The following SLC14A2 variants were observed in gnomAD, a reference collection of about 807,000 sequenced individuals.
SLC14A2 encodes the protein solute carrier family 14 member 2, also known as urea transporter 2.
Under a neutral mutation model 104.6 loss-of-function variants are expected in SLC14A2, and 91 were observed. The observed-to-expected ratio is 0.87, with a 90% CI of 0.73 to 1.04. The LOEUF is 1.04. Among genes scored for constraint, SLC14A2 ranks in the 50% least tolerant of loss-of-function variants. SLC14A2 has a pLI of 0.00. For missense variants in SLC14A2, 1,189 were observed against 1,156.0 expected, an observed-to-expected ratio of 1.03 and a Z score of -0.41; for synonymous variants, 476 against 466.4, an observed-to-expected ratio of 1.02 and a Z score of -0.27.
At chr18:45,562,389 A>G (rs1275839769) in intron 2 of SLC14A2, among the ~76,000 whole-genome samples, 2 of 152,206 alleles carry the variant, frequency 1.3e-5, no homozygotes, top group Non-Finnish European at 2.9e-5. Context: ...GCTTTCCTAA[A>G]GGAACTTGAT....
chr18:45,602,377 T>C (rs16978425), intron 2 of SLC14A2, among the ~76,000 whole-genome samples: 12,051 of 152,154 alleles, frequency 0.079, 586 homozygotes, highest in East Asian at 0.19. Flanking sequence ...GATACCCTAA[T>C]GAAGGTGGAA....
At chr18:45,390,448 T>C (rs758721750) in intron 1 of SLC14A2, among the ~76,000 whole-genome samples, 4 of 152,196 alleles carry the variant, frequency 2.6e-5, no homozygotes, top group Non-Finnish European at 4.4e-5. Context: ...ACCAGTGTTG[T>C]CTGCCCCACG....
At position 45,414,753 on chromosome 18, in the gene SLC14A2, AAAAAATATATATATATATATAT is replaced by A. The variant is rs1211086949; in HGVS notation, c.-124-68478_-124-68457del. On this transcript the variant is annotated intron_variant, in intron 1 of 20. Transcript: ENST00000586448. Reference sequence around the variant, plus strand: ...TGCAAGGCACCGAGCGTAAAAAAAAAAAAAATATATATATATATATATATATATATATATATATATATAGAAA... The same window carrying A: ...TGCAAGGCACCGAGCGTAAAAAAAAAATATATATATATATATATATAGAAA... 1.5e-3 allele frequency among the ~76,000 whole-genome samples: 98 copies of A among 64,010 alleles called. 9 individuals carry two copies. The highest frequency in any genetic ancestry group is 6.5e-4 in the Non-Finnish European group (23 of 35,466). 42.0% of individuals were successfully genotyped at this position (64,010 alleles called of 152,430 possible).
chr18:45,384,605 A>T (rs1390589346), intron 1 of SLC14A2, among the ~76,000 whole-genome samples: 2 of 152,132 alleles, frequency 1.3e-5, no homozygotes, highest in Admixed American at 6.5e-5. Context: ...CCTCTGCTGG[A>T]TGGTATGTAG....
intron 1 of SLC14A2, among the ~76,000 whole-genome samples, chr18:45,379,483 C>T (rs1324449601): frequency 6.6e-6 from 1 of 152,172 alleles, no homozygotes; most frequent in Non-Finnish European, 1.5e-5. Context: ...AACCATTCCT[C>T]CTTCGACCTG....
chr18:45,202,080 G>A, the SLC14A2 span, among the ~76,000 whole-genome samples: 5 of 152,078 alleles, frequency 3.3e-5, no homozygotes, highest in Admixed American at 1.3e-4. Context: ...CAGAACTAAG[G>A]GCAATACTTC....
rs1023013036 is a variant in SLC14A2 at position 45,615,848 on chromosome 18, A to T, written c.-35+266A>T. Among the ~76,000 whole-genome samples, 12 of 151,022 alleles carry T rather than the reference A, an allele frequency of 7.9e-5. No individual in the cohort carries two copies. In the East Asian group the frequency reaches 9.7e-4, roughly 12 times the overall value. On this transcript the variant is annotated intron_variant, in intron 1 of 19. Coordinates refer to ENST00000255226, the MANE Select transcript of SLC14A2 (RefSeq NM_007163.4). ...GTGTGTGTGTGTGTGAGAGAGAGAG[A>T]GAGAGAGAGAGGGAGAGAGAGAGAC...
the SLC14A2 span, among the ~76,000 whole-genome samples, chr18:45,178,897 G>T: frequency 6.6e-6 from 1 of 152,264 alleles, no homozygotes; most frequent in South Asian, 2.1e-4. Context: ...GAAAACATCT[G>T]ATCATGTAGA....
At chr18:45,275,879 G>A (rs1364345537) in intron 1 of SLC14A2, among the ~76,000 whole-genome samples, 2 of 152,214 alleles carry the variant, frequency 1.3e-5, no homozygotes, top group East Asian at 1.9e-4. Flanking sequence ...TGCAAAATAT[G>A]CAGGTCATTG....
intron 1 of SLC14A2, among the ~76,000 whole-genome samples, chr18:45,284,733 AGG>A (rs2084796697): frequency 6.6e-6 from 1 of 152,186 alleles, no homozygotes; most frequent in Non-Finnish European, 1.5e-5. Context: ...AAGAACAGAA[AGG>A]GCTGGAGGAG....
At chr18:45,515,764 T>C (rs920579243) in intron 2 of SLC14A2, among the ~76,000 whole-genome samples, 1 of 152,222 alleles carries the variant, frequency 6.6e-6, no homozygotes, top group Non-Finnish European at 1.5e-5. Flanking sequence ...AAGGAACGAA[T>C]TGGTGCAATC....
intron 15 of SLC14A2, 43 bp from the exon 16 acceptor site, chr18:45,669,263 C>G: frequency 6.5e-7 from 1 of 1,536,160 alleles, no homozygotes; most frequent in Non-Finnish European, 8.9e-7. Flanking sequence ...GTGTTATGAC[C>G]AGGCGGCTTC....
At chr18:45,459,345 C>A (rs890032825) in intron 1 of SLC14A2, among the ~76,000 whole-genome samples, 1 of 152,190 alleles carries the variant, frequency 6.6e-6, no homozygotes, top group Admixed American at 6.5e-5. Flanking sequence ...GACCTTGTCT[C>A]CATGTGCTGT....
intron 1 of SLC14A2, among the ~76,000 whole-genome samples, chr18:45,461,544 A>G (rs910606660): frequency 2.0e-5 from 3 of 152,210 alleles, no homozygotes; most frequent in Admixed American, 1.3e-4. Context: ...AAAGGCTCCC[A>G]TAGATATTTG....
At chr18:45,369,072 A>AGT (rs2085695783) in intron 1 of SLC14A2, among the ~76,000 whole-genome samples, 1 of 152,192 alleles carries the variant, frequency 6.6e-6, no homozygotes, top group Non-Finnish European at 1.5e-5. Context: ...ATGAAGTGAA[A>AGT]GTGATTATTC....
At chr18:45,189,277 A>G in the SLC14A2 span, among the ~76,000 whole-genome samples, 3 of 152,158 alleles carry the variant, frequency 2.0e-5, no homozygotes, top group African/African-American at 7.2e-5. Flanking sequence ...CAACCCTGAG[A>G]GCAAAATTTT....
At chr18:45,569,826 A>G (rs2044321185) in intron 2 of SLC14A2, among the ~76,000 whole-genome samples, 1 of 152,146 alleles carries the variant, frequency 6.6e-6, no homozygotes. Flanking sequence ...CTTTCCAGCC[A>G]TCGACCAACC....
intron 1 of SLC14A2, among the ~76,000 whole-genome samples, chr18:45,277,977 C>G (rs8093105): frequency 0.053 from 8,041 of 152,238 alleles, 661 homozygotes; most frequent in African/African-American, 0.17. Context: ...CCATGCCAGA[C>G]TGACTCCTTA....
At chr18:45,523,747 C>A (rs2043551637) in intron 2 of SLC14A2, among the ~76,000 whole-genome samples, 1 of 152,150 alleles carries the variant, frequency 6.6e-6, no homozygotes. Context: ...TGCTCTGACA[C>A]AGCAACTGCC....
Sources: allele counts gnomAD v4.1 joint callset (sites outside exome capture counted in the v4.1 genomes callset), GRCh38; gene constraint gnomAD v4.1.1; transcripts MANE v1.5; gene names NCBI Gene and HGNC (gene_info 2026-07-23, HGNC 2026-07-21).